The following EIF2B3 variants were observed in gnomAD, a reference collection of about 807,000 sequenced individuals.
The protein encoded by EIF2B3 is eukaryotic translation initiation factor 2B subunit gamma.
In EIF2B3, 20 loss-of-function variants were observed where a neutral mutation model predicts 54.1. That is an observed-to-expected ratio of 0.37 (90% CI 0.26 to 0.54). The LOEUF is 0.54. Ranked by LOEUF, EIF2B3 falls within the 20% of genes least tolerant of loss-of-function variation. The pLI is 0.86. For synonymous variants in EIF2B3, 153 were observed against 188.1 expected (o/e 0.81, Z 1.52); for missense variants, 448 against 547.8 (o/e 0.82, Z 1.82).
chr1:44,979,467 T>C (rs1047777879), intron 2 of EIF2B3, among the ~76,000 whole-genome samples: 24 of 131,230 alleles, frequency 1.8e-4, no homozygotes, highest in African/African-American at 4.3e-4. Flanking sequence ...CGAAACCCTG[T>C]CTCTGCCAAA....
At chr1:44,923,940 C>CT (rs570038780) in intron 5 of EIF2B3, among the ~76,000 whole-genome samples, 11,799 of 131,706 alleles carry the variant, frequency 0.09, 1,892 homozygotes, top group African/African-American at 0.32. Flanking sequence ...AATTTCTTTC[C>CT]TTTTTTTTTT....
At chr1:44,903,395 C>G (rs1419932965) in intron 5 of EIF2B3, among the ~76,000 whole-genome samples, 1 of 152,196 alleles carries the variant, frequency 6.6e-6, no homozygotes, top group African/African-American at 2.4e-5. Flanking sequence ...AGGCTCAGGG[C>G]AATGCCAAAT....
At chr1:44,880,397 C>T (rs1179207976) in intron 7 of EIF2B3, among the ~76,000 whole-genome samples, 2 of 152,220 alleles carry the variant, frequency 1.3e-5, no homozygotes, top group South Asian at 2.1e-4. Context: ...AGCATGTGAC[C>T]GGTAATCAAG....
At chr1:44,946,223 G>C (rs1042678716) in intron 3 of EIF2B3, among the ~76,000 whole-genome samples, 1 of 152,150 alleles carries the variant, frequency 6.6e-6, no homozygotes, top group African/African-American at 2.4e-5. Context: ...AAAGAACAGG[G>C]CCTAGCATAC....
intron 5 of EIF2B3, among the ~76,000 whole-genome samples, chr1:44,901,629 G>A (rs1463568386): frequency 7.0e-6 from 1 of 142,540 alleles, no homozygotes; most frequent in Non-Finnish European, 1.5e-5. Context: ...CGTGATCACA[G>A]CTCACTGCCC....
chr1:44,864,944 G>A (rs999554676), intron 10 of EIF2B3, among the ~76,000 whole-genome samples: 2 of 152,182 alleles, frequency 1.3e-5, no homozygotes, highest in Non-Finnish European at 2.9e-5. Context: ...CAGGCTGGGC[G>A]TGGCGGCTTA....
chr1:44,870,176 AAGAGAGAGAGAG>A (rs57863923), intron 10 of EIF2B3, among the ~76,000 whole-genome samples: 18 of 146,212 alleles, frequency 1.2e-4, no homozygotes, highest in Admixed American at 6.1e-4. Flanking sequence ...CGTCTCAAAA[AAGAGAGAGAGAG>A]AGAGAGAGAG....
intron 3 of EIF2B3, among the ~76,000 whole-genome samples, chr1:44,950,008 C>G (rs141412294): frequency 0.011 from 1,657 of 152,236 alleles, 23 homozygotes; most frequent in South Asian, 0.037. Context: ...ATTTTCATCT[C>G]TAAATGCACT....
chr1:44,920,162 T>C (rs534415976), intron 5 of EIF2B3, among the ~76,000 whole-genome samples: 1 of 152,008 alleles, frequency 6.6e-6, no homozygotes, highest in Non-Finnish European at 1.5e-5. Flanking sequence ...TCTTATATCC[T>C]GTGTCTTCCT....
At chr1:44,934,791 C>T (rs569501556) in intron 4 of EIF2B3, among the ~76,000 whole-genome samples, 40 of 152,182 alleles carry the variant, frequency 2.6e-4, no homozygotes, top group African/African-American at 8.9e-4. Context: ...AGGTGTGTGC[C>T]ACACGCCTGG....
chr1:44,877,168 C>T (rs1479957655), intron 8 of EIF2B3, among the ~76,000 whole-genome samples: 2 of 115,256 alleles, frequency 1.7e-5, no homozygotes, highest in Admixed American at 1.0e-4. Flanking sequence ...TCCCCCTCTG[C>T]GAGAAACACC....
At chr1:44,914,880 C>T (rs892288992) in intron 5 of EIF2B3, among the ~76,000 whole-genome samples, 6 of 152,050 alleles carry the variant, frequency 3.9e-5, no homozygotes, top group South Asian at 2.1e-4. Flanking sequence ...AGTAGAGATG[C>T]GGTTTCAACC....
chr1:44,874,477 G>C (rs1655056539), intron 10 of EIF2B3: 1 of 601,882 alleles, frequency 1.7e-6, no homozygotes, highest in East Asian at 2.9e-5. Context: ...TCTCTGTTTG[G>C]TTTATTTTCC....
chr1:44,873,666 A>G (rs1223066451), intron 10 of EIF2B3, among the ~76,000 whole-genome samples: 3 of 151,566 alleles, frequency 2.0e-5, no homozygotes, highest in African/African-American at 7.3e-5. Context: ...TTTGAGACAG[A>G]GTCTTGCTCT....
At chr1:44,968,002 C>T (rs969639983) in intron 3 of EIF2B3, among the ~76,000 whole-genome samples, 2 of 151,784 alleles carry the variant, frequency 1.3e-5, no homozygotes, top group African/African-American at 2.4e-5. Flanking sequence ...TGTGCCACTG[C>T]ACTCCAGCCT....
Position 44,881,472 on chromosome 1 carries a change from G to C in EIF2B3, c.784+140C>G, listed in dbSNP as rs936345797. On this transcript the variant is annotated intron_variant, in intron 7 of 11. Transcript: ENST00000360403. This position sits in a 1 kb window ranked among gnomAD's most constrained non-coding sequence, Gnocchi z 4.0. ...AGCTTACCCAGAGCTCAGTGGGTTG[G>C]CAAGCCTGTCTTGCCTCGTAGGCTA... 28 of 1,199,710 alleles carry C rather than the reference G, an allele frequency of 2.3e-5. No homozygotes were observed. Among genetic ancestry groups the C allele is most frequent in the Non-Finnish European group, 3.0e-5 (25 of 825,808 alleles). The allele number at this position is 1,199,710 out of a possible 1,614,324, so 74.3% of individuals were successfully genotyped here. A position where few individuals can be genotyped will look rare whatever the true frequency, so the allele number is the denominator to read the frequency against.
At chr1:44,859,916 C>T (rs935505503) in intron 10 of EIF2B3, among the ~76,000 whole-genome samples, 10 of 151,708 alleles carry the variant, frequency 6.6e-5, no homozygotes, top group Admixed American at 6.6e-4. Context: ...GCCACCACAC[C>T]TGGCTCATTT....
intron 4 of EIF2B3, among the ~76,000 whole-genome samples, chr1:44,929,643 G>A (rs1163988396): frequency 1.3e-5 from 2 of 152,126 alleles, no homozygotes; most frequent in East Asian, 1.9e-4. Context: ...GTCTGTAAGG[G>A]TCTCATTATG....
At chr1:44,852,430 C>T (rs1162606488) in intron 11 of EIF2B3, among the ~76,000 whole-genome samples, 4 of 152,218 alleles carry the variant, frequency 2.6e-5, no homozygotes, top group Middle Eastern at 3.4e-3. Context: ...ACCACTGTAC[C>T]TAATATATAT....
Sources: gnomAD v4.1 joint callset for allele counts (sites outside exome capture counted in the v4.1 genomes callset) on GRCh38, gnomAD v4.1.1 for gene constraint, Gnocchi (gnomAD v3.1) non-coding constraint, MANE v1.5 for transcripts, NCBI Gene and HGNC (gene_info 2026-07-23, HGNC 2026-07-21) for gene names.